LHFPL3: variants seen among roughly 807,000 people sequenced by gnomAD.
LHFPL3 encodes LHFPL tetraspan subfamily member 3 protein.
A neutral mutation model predicts 19.3 loss-of-function variants in LHFPL3; 5 were observed. The ratio of observed to expected loss-of-function variants is 0.26; its 90% confidence interval spans 0.14 to 0.54. LHFPL3 has a LOEUF of 0.54. LHFPL3 is among the 20% of genes least tolerant of loss of function. The pLI is 0.94. For missense variants in LHFPL3, 249 were observed against 307.4 expected (o/e 0.81, Z 1.42); for synonymous variants, 133 against 126.2 (o/e 1.05, Z -0.36).
At chr7:104,796,626 TGACAG>T (rs1358880105) in intron 2 of LHFPL3, 1 of 152,444 alleles carries the variant, frequency 6.6e-6, no homozygotes, top group Non-Finnish European at 1.5e-5. Flanking sequence ...AGGAAGGACA[TGACAG>T]GAAATCTAGT....
In LHFPL3 at chr7:104,374,442, G is replaced by A. The variant is rs181205805; in HGVS notation, c.445+45218G>A. Among the ~76,000 whole-genome samples the A allele has an allele frequency of 1.4e-3, 207 of 152,074 alleles. 1 individual carries two copies. The highest frequency in any genetic ancestry group is 4.4e-3 in the African/African-American group (184 of 41,488). On this transcript the variant is annotated intron_variant, in intron 1 of 2. Coordinates refer to ENST00000424859, the MANE Select transcript of LHFPL3 (RefSeq NM_199000.3). ...TTTTTAGTAGAGACGGGGTTTCACC[G>A]TGTTGGCCAGAATGGTCTCAATCTC...
In LHFPL3 at chr7:104,874,459, A is replaced by G. The variant is rs577390846; in HGVS notation, c.683-31728A>G. Among the ~76,000 whole-genome samples, 30 of 151,212 alleles carry G rather than the reference A, an allele frequency of 2.0e-4. No homozygotes were observed. In the South Asian group the frequency reaches 4.0e-3, roughly 20 times the overall value. On this transcript the variant is annotated intron_variant, in intron 2 of 2. Transcript: ENST00000424859. ...ACCCAGACTGGAGTGCAGTGGTGCA[A>G]TCTTGGCTCACTGCAACCTCCGTCT...
intron 1 of LHFPL3, among the ~76,000 whole-genome samples, chr7:104,482,971 A>T (rs1320696985): frequency 6.6e-6 from 1 of 152,244 alleles, no homozygotes; most frequent in African/African-American, 2.4e-5. Context: ...ATTTCAGGAA[A>T]TACGTTGGAC....
intron 1 of LHFPL3, among the ~76,000 whole-genome samples, chr7:104,558,880 T>C (rs917157957): frequency 7.6e-5 from 11 of 145,414 alleles, no homozygotes; most frequent in African/African-American, 3.0e-4. Flanking sequence ...AGGGATCCAG[T>C]TTCAGCTTTC....
intron 1 of LHFPL3, among the ~76,000 whole-genome samples, chr7:104,329,500 G>A (rs958920497): frequency 6.6e-6 from 1 of 152,258 alleles, no homozygotes; most frequent in South Asian, 2.1e-4. Context: ...GGCGGTTGTG[G>A]GGCCGAGTCC....
chr7:104,473,949 G>T lies in LHFPL3; in HGVS notation c.445+144725G>T, dbSNP rs946703760. ...ATGACACACATATCCCCTTTCTCCT[G>T]CATGTGCGTGCACACACTCTTTTCT... On this transcript the variant is annotated intron_variant, in intron 1 of 2. Coordinates refer to ENST00000424859, the MANE Select transcript of LHFPL3 (RefSeq NM_199000.3). 4.6e-5 allele frequency among the ~76,000 whole-genome samples: 7 copies of T among 151,934 alleles called. No homozygotes were observed. In the East Asian group the frequency reaches 1.2e-3, roughly 25 times the overall value.
intron 1 of LHFPL3, among the ~76,000 whole-genome samples, chr7:104,691,729 T>C (rs1160269469): frequency 1.3e-5 from 2 of 152,242 alleles, no homozygotes; most frequent in Non-Finnish European, 1.5e-5. Context: ...AAACTGAAGA[T>C]ATTTCTATCC....
chr7:104,331,765 C>T (rs984276538), intron 1 of LHFPL3, among the ~76,000 whole-genome samples: 1 of 151,960 alleles, frequency 6.6e-6, no homozygotes, highest in Non-Finnish European at 1.5e-5. Flanking sequence ...GCCTGGCCAA[C>T]ATGGTGAAAC....
chr7:104,904,454 C>G (rs938645106), intron 2 of LHFPL3, among the ~76,000 whole-genome samples: 2 of 152,134 alleles, frequency 1.3e-5, no homozygotes, highest in Admixed American at 6.5e-5. Context: ...AGTTCAAGAC[C>G]AGCCTGGCCA....
At chr7:104,471,338 A>G (rs1792903103) in intron 1 of LHFPL3, among the ~76,000 whole-genome samples, 1 of 152,184 alleles carries the variant, frequency 6.6e-6, no homozygotes, top group South Asian at 2.1e-4. Flanking sequence ...TGTGGGATGG[A>G]AATGCTATAT....
rs150069368 is a variant in LHFPL3 at position 104,666,815 on chromosome 7, G to A, written c.446-69860G>A. Among the ~76,000 whole-genome samples the A allele has an allele frequency of 1.8e-4, 27 of 151,934 alleles. No individual in the cohort carries two copies. The East Asian group carries it at 4.5e-3, about 25-fold the overall frequency. The stretch of plus-strand genomic sequence containing the variant: ...GGGATTACAGGCGTGAGCCACCACC[G>A]CGCCCAGCCTCATTCTTTTTTTTAA... On this transcript the variant is annotated intron_variant, in intron 1 of 2. Coordinates refer to ENST00000424859, the MANE Select transcript of LHFPL3 (RefSeq NM_199000.3).
intron 1 of LHFPL3, among the ~76,000 whole-genome samples, chr7:104,695,180 T>C (rs370229745): frequency 5.3e-5 from 8 of 152,164 alleles, no homozygotes; most frequent in African/African-American, 7.2e-5. Context: ...AGTGGTGCAA[T>C]CATAGTTCAC....
At chr7:104,397,898 T>G (rs1481533854) in intron 1 of LHFPL3, among the ~76,000 whole-genome samples, 1 of 152,316 alleles carries the variant, frequency 6.6e-6, no homozygotes, top group African/African-American at 2.4e-5. Context: ...TATGGACACA[T>G]AGTTTACCTT....
At chr7:104,592,539 G>A (rs1481857962) in intron 1 of LHFPL3, among the ~76,000 whole-genome samples, 2 of 152,116 alleles carry the variant, frequency 1.3e-5, no homozygotes, top group African/African-American at 4.8e-5. Flanking sequence ...CTCCCAGTTA[G>A]GCCACTGGGG....
intron 2 of LHFPL3, chr7:104,845,273 C>T (rs1054860044): frequency 1.9e-5 from 14 of 718,282 alleles, no homozygotes; most frequent in African/African-American, 1.4e-4. Context: ...CTCTGCACAC[C>T]GTCAATGGAA....
chr7:104,730,300 G>A (rs1489115152), intron 1 of LHFPL3, among the ~76,000 whole-genome samples: 4 of 152,166 alleles, frequency 2.6e-5, no homozygotes, highest in African/African-American at 9.7e-5. Flanking sequence ...TCTAGTTCTA[G>A]ATCCCTGAGG....
chr7:104,516,323 T>A (rs1198114570), intron 1 of LHFPL3, among the ~76,000 whole-genome samples: 1 of 152,096 alleles, frequency 6.6e-6, no homozygotes. Flanking sequence ...TATCTCCCAC[T>A]GGATCCCTCT....
chr7:104,863,366 G>A (rs10953454), intron 2 of LHFPL3, among the ~76,000 whole-genome samples: 18,341 of 152,206 alleles, frequency 0.12, 2,353 homozygotes, highest in East Asian at 0.43. Context: ...TTGCTGACAA[G>A]TATAGTCACT....
chr7:104,340,728 T>G (rs927828889), intron 1 of LHFPL3, among the ~76,000 whole-genome samples: 11 of 152,224 alleles, frequency 7.2e-5, no homozygotes, highest in Admixed American at 3.9e-4. Flanking sequence ...ATTGTGATTC[T>G]TATAATGAAT....
Sources: gnomAD v4.1 joint callset for allele counts (sites outside exome capture counted in the v4.1 genomes callset) on GRCh38, gnomAD v4.1.1 for gene constraint, MANE v1.5 for transcripts, NCBI Gene and HGNC (gene_info 2026-07-23, HGNC 2026-07-21) for gene names.